Variants in CAND1 observed in about 807,000 individuals in gnomAD.
The protein encoded by CAND1 is cullin associated and neddylation dissociated 1.
A neutral mutation model predicts 108.5 loss-of-function variants in CAND1; 7 were observed. That is an observed-to-expected ratio of 0.06 (90% confidence interval 0.04 to 0.12). The LOEUF (loss-of-function observed/expected upper bound fraction) is 0.12. Among genes scored for constraint, CAND1 ranks in the 10% least tolerant of loss-of-function variants. The pLI, the probability that CAND1 is intolerant of heterozygous loss-of-function variation, is 1.00. For synonymous variants in CAND1, 534 were observed against 512.0 expected, an observed-to-expected ratio of 1.04 and a Z score of -0.58; for missense variants, 941 against 1,448.7, an observed-to-expected ratio of 0.65 and a Z score of 5.69.
chr12:67,302,602 T>C lies in CAND1; in HGVS notation c.1280T>C (p.Met427Thr). 6.2e-7 allele frequency: 1 copy of C among 1,607,618 alleles called. No individual in the cohort carries two copies. The highest frequency in any genetic ancestry group is 8.5e-7 in the Non-Finnish European group (1 of 1,174,502). The change falls in exon 8 of 15, where the codon ATG becomes ACG. Residue 427 changes from methionine to threonine, a missense_variant. This residue lies in a region of CAND1 where 697 missense variants were observed against 942.0 expected (regional missense o/e 0.74). Coordinates refer to ENST00000545606, the MANE Select transcript of CAND1 (RefSeq NM_018448.5). ...AMEQGETPLTMLQSQVPNIVK... is the reference protein window; with the variant it reads ...AMEQGETPLTTLQSQVPNIVK... ...GAGCAGGGAGAAACACCTTTAACAA[T>C]GCTTCAGAGTCAGGTGGGTTTTAAA...
At position 67,314,866 on chromosome 12, in the gene CAND1, AC is replaced by A. The variant is rs1242076211; in HGVS notation, c.*2037del. Reference sequence around the variant, plus strand: ...TGTTTATATACCTGTTTATATGCATACATTAACAAAATTAGTAACAGCAGTG... The same window carrying A: ...TGTTTATATACCTGTTTATATGCATAATTAACAAAATTAGTAACAGCAGTG... On this transcript the variant is annotated 3_prime_UTR_variant, in exon 15 of 15. Coordinates refer to ENST00000545606, the MANE Select transcript of CAND1 (RefSeq NM_018448.5). 1 of 152,216 alleles carries A rather than the reference AC, an allele frequency of 6.6e-6. No homozygotes were observed. Among genetic ancestry groups the A allele is most frequent in the African/African-American group, 2.4e-5 (1 of 41,446 alleles). The allele number at this position is 152,216 out of a possible 1,614,324, so 9.4% of individuals were successfully genotyped here.
At chr12:67,298,153 G>T (rs965330351) in intron 6 of CAND1, among the ~76,000 whole-genome samples, 5 of 152,140 alleles carry the variant, frequency 3.3e-5, no homozygotes, top group African/African-American at 1.2e-4. Context: ...TGTACTGAAA[G>T]CCCAGCAGGA....
At chr12:67,279,530 C>T (rs951422821) in intron 1 of CAND1, among the ~76,000 whole-genome samples, 2 of 152,144 alleles carry the variant, frequency 1.3e-5, no homozygotes, top group African/African-American at 2.4e-5. Context: ...TTATAATAAT[C>T]TACTTTTTCT....
chr12:67,274,654 CTGTT>C (rs1169203989), intron 1 of CAND1, among the ~76,000 whole-genome samples: 1 of 152,170 alleles, frequency 6.6e-6, no homozygotes, highest in Non-Finnish European at 1.5e-5. Flanking sequence ...ATCAACTAAA[CTGTT>C]TGTTTAAATA....
At chr12:67,287,927 A>AT (rs543142015) in intron 2 of CAND1, among the ~76,000 whole-genome samples, 17 of 78,062 alleles carry the variant, frequency 2.2e-4, no homozygotes, top group African/African-American at 3.8e-4. Context: ...GAGGTTATCT[A>AT]TTTTTTTACT....
intron 1 of CAND1, among the ~76,000 whole-genome samples, chr12:67,273,086 G>T (rs1475762500): frequency 6.6e-6 from 1 of 152,162 alleles, no homozygotes; most frequent in African/African-American, 2.4e-5. Flanking sequence ...TAATTACTAG[G>T]ATAGTGCCTG....
rs751453121 is a variant in CAND1 at position 67,307,427 on chromosome 12, C to T, written c.2960C>T (p.Thr987Met). The change falls in exon 11 of 15, where the codon ACG becomes ATG. Residue 987 changes from threonine (T) to methionine (M), a missense_variant. Thr to Met is a moderately conservative substitution (Grantham distance 81). This residue lies in a region of CAND1 where 106 missense variants were observed against 182.0 expected (regional missense o/e 0.58). Transcript: ENST00000545606. ...TCATATGCCCGAAGCTCAGTGGTTA[C>T]GGCTGTGAAATTTACAATTTCTGAC... ...GSSYARSSVV[T>M]AVKFTISDHP... 4.3e-6 allele frequency: 7 copies of T among 1,611,034 alleles called. No individual in the cohort carries two copies. The highest frequency in any genetic ancestry group is 3.3e-5 in the Admixed American group (2 of 59,840).
intron 2 of CAND1, among the ~76,000 whole-genome samples, chr12:67,291,183 T>C (rs1174199001): frequency 6.6e-6 from 1 of 152,174 alleles, no homozygotes; most frequent in East Asian, 1.9e-4. Flanking sequence ...AATGGTTCAA[T>C]TGGTGGACAT....
chr12:67,313,796 A>G lies in CAND1; in HGVS notation c.*966A>G, dbSNP rs981336855. On this transcript the variant is annotated 3_prime_UTR_variant, in exon 15 of 15. Transcript: ENST00000545606. ...GTTTGGATGTCTACATTCCTTATCA[A>G]AGGATATAAATACTGTGTATGCTTT... 1.3e-5 allele frequency: 2 copies of G among 152,616 alleles called. No homozygotes were observed. The highest frequency in any genetic ancestry group is 4.8e-5 in the African/African-American group (2 of 41,452). 9.5% of individuals were successfully genotyped at this position (152,616 alleles called of 1,614,324 possible).
chr12:67,288,615 A>G (rs191871779), intron 2 of CAND1, among the ~76,000 whole-genome samples: 33 of 152,342 alleles, frequency 2.2e-4, no homozygotes, highest in Admixed American at 9.1e-4. Context: ...AATCAGGACT[A>G]TTGTGATAGG....
chr12:67,309,314 G>T (rs2044924115), intron 11 of CAND1, among the ~76,000 whole-genome samples: 1 of 151,848 alleles, frequency 6.6e-6, no homozygotes, highest in African/African-American at 2.4e-5. Context: ...TTTGTCCTAT[G>T]TTAGCTTTCA....
intron 3 of CAND1, among the ~76,000 whole-genome samples, chr12:67,293,348 A>T (rs1489783100): frequency 1.3e-5 from 2 of 152,342 alleles, no homozygotes; most frequent in East Asian, 3.9e-4. Context: ...TAAATTTTAG[A>T]ATTGGTCTTG....
At position 67,316,046 on chromosome 12, in the gene CAND1, T is replaced by C. The variant is rs1043809121; in HGVS notation, c.*3216T>C. Reference sequence around the variant, plus strand: ...CTCTGGATATATTATGCTTAGTAAGTGTTTTGAAATTAAAGACCTTAAACA... The same window carrying C: ...CTCTGGATATATTATGCTTAGTAAGCGTTTTGAAATTAAAGACCTTAAACA... On this transcript the variant is annotated 3_prime_UTR_variant, in exon 15 of 15. Coordinates refer to ENST00000545606, the MANE Select transcript of CAND1 (RefSeq NM_018448.5). The C allele has an allele frequency of 6.6e-6, 1 of 152,220 alleles. No homozygotes were observed. Among genetic ancestry groups the C allele is most frequent in the Admixed American group, 6.5e-5 (1 of 15,286 alleles). 9.4% of individuals were successfully genotyped at this position (152,220 alleles called of 1,614,324 possible).
rs1049674195 is a variant in CAND1 at position 67,316,021 on chromosome 12, C to T, written c.*3191C>T. On this transcript the variant is annotated 3_prime_UTR_variant, in exon 15 of 15. Coordinates refer to ENST00000545606, the MANE Select transcript of CAND1 (RefSeq NM_018448.5). ...TAAATTGTTAAAATTAATTGCCAAT[C>T]TCTGGATATATTATGCTTAGTAAGT... The T allele has an allele frequency of 2.0e-5, 3 of 152,200 alleles. No homozygotes were observed. The South Asian group carries it at 6.2e-4, about 32-fold the overall frequency. The allele number at this position is 152,200 out of a possible 1,614,324, so 9.4% of individuals were successfully genotyped here. A position where few individuals can be genotyped will look rare whatever the true frequency, so the allele number is the denominator to read the frequency against.
rs776917854 is a variant in CAND1 at position 67,305,481 on chromosome 12, G to T, written c.1813G>T (p.Gly605Cys). The change falls in exon 10 of 15, where the codon GGT (glycine) becomes TGT (cysteine). Residue 605 changes from glycine (G) to cysteine (C), a missense_variant. Coordinates refer to ENST00000545606, the MANE Select transcript of CAND1 (RefSeq NM_018448.5). This position sits in a 1 kb window ranked among gnomAD's most constrained non-coding sequence, Gnocchi z 4.4. The part of the protein sequence containing the change: ...QIICNLGDNL[G>C]SDLPNTLQIF... ...TATTTGCAACCTTGGAGACAATTTG[G>T]GTTCTGACTTGCCTAATACACTTCA... 7.4e-6 allele frequency: 12 copies of T among 1,613,614 alleles called. No homozygotes were observed. The highest frequency in any genetic ancestry group is 9.3e-6 in the Non-Finnish European group (11 of 1,179,994).
chr12:67,315,919 T>C lies in CAND1; in HGVS notation c.*3089T>C, dbSNP rs1457501774. On this transcript the variant is annotated 3_prime_UTR_variant, in exon 15 of 15. Coordinates refer to ENST00000545606, the MANE Select transcript of CAND1 (RefSeq NM_018448.5). ...TGTTTATACTCCTGTAAGCTCTAGTTAGTCACAAGACAAAGTATATAGTAA... is the reference window on the plus strand; with the variant it reads ...TGTTTATACTCCTGTAAGCTCTAGTCAGTCACAAGACAAAGTATATAGTAA... 6.6e-6 allele frequency: 1 copy of C among 152,232 alleles called. No homozygotes were observed. Among genetic ancestry groups the C allele is most frequent in the Non-Finnish European group, 1.5e-5 (1 of 68,038 alleles). 9.4% of individuals were successfully genotyped at this position (152,232 alleles called of 1,614,324 possible). A position where few individuals can be genotyped will look rare whatever the true frequency, so the allele number is the denominator to read the frequency against.
At chr12:67,304,501 A>C in intron 8 of CAND1, 104 bp from the exon 9 acceptor site, 1 of 1,254,814 alleles carries the variant, frequency 8.0e-7, no homozygotes, top group Non-Finnish European at 1.1e-6. Flanking sequence ...ATTTAACAAA[A>C]AAAGATAAAC....
In CAND1 at chr12:67,310,289, T is replaced by C. The variant is rs771425198; in HGVS notation, c.3333T>C (p.Asp1111=). The C allele has an allele frequency of 6.2e-7, 1 of 1,610,442 alleles. No individual in the cohort carries two copies. Among genetic ancestry groups the C allele is most frequent in the South Asian group, 1.1e-5 (1 of 90,832 alleles). ...TTGAATTTCTAAATCATGTTGAAGA[T>C]GGTTTGAAGGACCATTATGATATTA... ...DIFEFLNHVE[D]GLKDHYDIKM... Residue 1111 remains aspartate (D), a synonymous_variant, in exon 13 of 15, where the codon GAT becomes GAC. Transcript: ENST00000545606.
At chr12:67,272,837 C>T (rs1173927732) in intron 1 of CAND1, among the ~76,000 whole-genome samples, 2 of 152,130 alleles carry the variant, frequency 1.3e-5, no homozygotes, top group Non-Finnish European at 2.9e-5. Flanking sequence ...GCTGGGATTA[C>T]AGGCACACAC....
Sources: allele counts gnomAD v4.1 joint callset (sites outside exome capture counted in the v4.1 genomes callset), GRCh38; gene constraint gnomAD v4.1.1; regional missense constraint gnomAD v4.1.1; non-coding constraint Gnocchi (gnomAD v3.1); transcripts MANE v1.5; gene names NCBI Gene and HGNC (gene_info 2026-07-23, HGNC 2026-07-21).